Variants in NPAS3 observed in about 807,000 individuals in gnomAD.
The protein encoded by NPAS3 is neuronal PAS domain protein 3, also known as neuronal PAS domain-containing protein 3.
A neutral mutation model predicts 73.1 loss-of-function variants in NPAS3; 14 were observed. The observed-to-expected ratio is 0.19, with a 90% CI of 0.13 to 0.30. NPAS3 has a LOEUF of 0.30. NPAS3 is among the 10% of genes least tolerant of loss of function. NPAS3 has a pLI of 1.00. For missense variants in NPAS3, 1,096 were observed against 1,250.0 expected (o/e 0.88, Z 1.86); for synonymous variants, 620 against 541.5 (o/e 1.14, Z -2.01).
intron 4 of NPAS3, among the ~76,000 whole-genome samples, chr14:33,547,791 A>T (rs539505273): frequency 6.6e-6 from 1 of 152,288 alleles, no homozygotes; most frequent in Non-Finnish European, 1.5e-5. Flanking sequence ...GGCTACTGTC[A>T]TTTGTCAGGG....
At chr14:32,997,018 G>A (rs1566446131) in intron 1 of NPAS3, among the ~76,000 whole-genome samples, 2 of 152,204 alleles carry the variant, frequency 1.3e-5, no homozygotes, top group African/African-American at 2.4e-5. Context: ...CAAAGCAACA[G>A]GGGTGGAGTT....
intron 4 of NPAS3, among the ~76,000 whole-genome samples, chr14:33,444,495 T>A (rs1470484617): frequency 6.6e-6 from 1 of 152,204 alleles, no homozygotes; most frequent in Non-Finnish European, 1.5e-5. Context: ...GAAATTTGAA[T>A]TAAGGCCAGT....
At chr14:33,374,712 G>A (rs1428284245) in intron 4 of NPAS3, among the ~76,000 whole-genome samples, 3 of 148,038 alleles carry the variant, frequency 2.0e-5, no homozygotes, top group African/African-American at 7.5e-5. Flanking sequence ...GGCGGGGGGG[G>A]GAGTAGAGAA....
At chr14:33,741,146 C>T (rs2061646330) in intron 7 of NPAS3, among the ~76,000 whole-genome samples, 1 of 152,136 alleles carries the variant, frequency 6.6e-6, no homozygotes, top group Non-Finnish European at 1.5e-5. Flanking sequence ...GGACTAGATG[C>T]CACCTGGATG....
At position 33,379,820 on chromosome 14, in the gene NPAS3, C is replaced by A. The variant is rs966438848; in HGVS notation, c.468+12552C>A. ...CGTGAGGAAAGTGGCTTAGAAGAAT[C>A]AAATCAAAATTATTTTGAGAAAAGA... On this transcript the variant is annotated intron_variant, in intron 4 of 11. Coordinates refer to ENST00000356141, the Ensembl canonical transcript of NPAS3. Among the ~76,000 whole-genome samples, 10 of 152,182 alleles carry A rather than the reference C, an allele frequency of 6.6e-5. No individual in the cohort carries two copies. The East Asian group carries it at 1.4e-3, about 21-fold the overall frequency.
At chr14:33,763,253 C>T (rs576116843) in intron 7 of NPAS3, among the ~76,000 whole-genome samples, 3 of 152,224 alleles carry the variant, frequency 2.0e-5, no homozygotes, top group East Asian at 1.9e-4. Flanking sequence ...CGAGACATTT[C>T]GAGAGGCATA....
At chr14:33,209,729 G>C (rs1391895990) in intron 2 of NPAS3, among the ~76,000 whole-genome samples, 5 of 152,154 alleles carry the variant, frequency 3.3e-5, no homozygotes, top group African/African-American at 7.2e-5. Flanking sequence ...TGGCTCCTTA[G>C]AAGTACTTTA....
chr14:33,010,936 C>T (rs2039168048), intron 1 of NPAS3, among the ~76,000 whole-genome samples: 1 of 56,524 alleles, frequency 1.8e-5, no homozygotes, highest in African/African-American at 4.6e-5. Context: ...CAGAACCTGT[C>T]TCAAAAAAAA....
intron 3 of NPAS3, among the ~76,000 whole-genome samples, chr14:33,309,286 C>A (rs996608035): frequency 1.3e-5 from 2 of 152,150 alleles, no homozygotes; most frequent in Non-Finnish European, 2.9e-5. Context: ...GTGTGGGAAG[C>A]CTTGCAGTCT....
chr14:33,270,031 G>A (rs901049703), intron 3 of NPAS3, among the ~76,000 whole-genome samples: 15 of 152,128 alleles, frequency 9.9e-5, no homozygotes, highest in Non-Finnish European at 1.8e-4. Context: ...GAGGGACACA[G>A]GACAGGGCAG....
At chr14:33,296,175 T>A (rs2042289744) in intron 3 of NPAS3, among the ~76,000 whole-genome samples, 1 of 152,232 alleles carries the variant, frequency 6.6e-6, no homozygotes, top group Non-Finnish European at 1.5e-5. Flanking sequence ...TGAGTTGGAC[T>A]TTCCTTCTGC....
chr14:33,743,322 A>G (rs1220442647), intron 7 of NPAS3, among the ~76,000 whole-genome samples: 1 of 152,012 alleles, frequency 6.6e-6, no homozygotes, highest in African/African-American at 2.4e-5. Flanking sequence ...TACAACACTG[A>G]CCCCCCTGTA....
intron 6 of NPAS3, among the ~76,000 whole-genome samples, chr14:33,730,010 T>C (rs555933694): frequency 6.6e-6 from 1 of 152,290 alleles, no homozygotes; most frequent in East Asian, 1.9e-4. Flanking sequence ...TTAGTGAATG[T>C]TAGTTACTAT....
intron 6 of NPAS3, among the ~76,000 whole-genome samples, chr14:33,703,435 A>G (rs949684111): frequency 6.6e-6 from 1 of 152,174 alleles, no homozygotes; most frequent in East Asian, 1.9e-4. Flanking sequence ...TTGAGGCTAC[A>G]GTGAGCCATG....
intron 3 of NPAS3, among the ~76,000 whole-genome samples, chr14:33,332,659 T>A (rs1223675163): frequency 6.6e-6 from 1 of 152,192 alleles, no homozygotes; most frequent in East Asian, 1.9e-4. Context: ...CTGGGACTGC[T>A]GCCCTCAACA....
intron 6 of NPAS3, among the ~76,000 whole-genome samples, chr14:33,717,816 G>C (rs1444593374): frequency 6.6e-6 from 1 of 152,062 alleles, no homozygotes; most frequent in East Asian, 1.9e-4. Context: ...TTATCTCAAA[G>C]AGTGCTGCGA....
At chr14:33,155,500 C>T (rs1281169835) in intron 2 of NPAS3, among the ~76,000 whole-genome samples, 2 of 152,140 alleles carry the variant, frequency 1.3e-5, no homozygotes, top group Non-Finnish European at 2.9e-5. Context: ...AAGAGGTCTT[C>T]CTGCCTCAGT....
chr14:33,455,526 C>T (rs1266849260), intron 4 of NPAS3, among the ~76,000 whole-genome samples: 1 of 152,180 alleles, frequency 6.6e-6, no homozygotes, highest in African/African-American at 2.4e-5. Flanking sequence ...TATGTTGACC[C>T]ATGTTTGAGA....
chr14:33,645,536 CAG>C (rs1471385680), intron 5 of NPAS3, among the ~76,000 whole-genome samples: 2 of 152,206 alleles, frequency 1.3e-5, no homozygotes, highest in Non-Finnish European at 2.9e-5. Context: ...TCTAAATAGA[CAG>C]ATTAAGTATC....
Sources: gnomAD v4.1 joint callset for allele counts (sites outside exome capture counted in the v4.1 genomes callset) on GRCh38, gnomAD v4.1.1 for gene constraint, MANE v1.5 for transcripts, NCBI Gene and HGNC (gene_info 2026-07-23, HGNC 2026-07-21) for gene names.